HDAC4: variants seen among roughly 807,000 people sequenced by gnomAD.
HDAC4 encodes the protein histone deacetylase 4.
A neutral mutation model predicts 135.1 loss-of-function variants in HDAC4; 16 were observed. The observed-to-expected ratio is 0.12, with a 90% confidence interval of 0.08 to 0.18. The LOEUF is 0.18. Among genes scored for constraint, HDAC4 ranks in the 10% least tolerant of loss-of-function variants. HDAC4 has a pLI of 1.00. For missense variants in HDAC4, 1,143 were observed against 1,511.8 expected, an observed-to-expected ratio of 0.76 and a Z score of 4.05; for synonymous variants, 685 against 653.4, an observed-to-expected ratio of 1.05 and a Z score of -0.74.
intron 3 of HDAC4, among the ~76,000 whole-genome samples, chr2:239,199,070 A>G (rs1023358365): frequency 6.6e-6 from 1 of 151,494 alleles, no homozygotes; most frequent in Non-Finnish European, 1.5e-5. Flanking sequence ...TAGCTGATGT[A>G]TCTTTTAAGA....
At chr2:239,286,846 T>C (rs1195415744) in intron 2 of HDAC4, among the ~76,000 whole-genome samples, 2 of 152,176 alleles carry the variant, frequency 1.3e-5, no homozygotes, top group Non-Finnish European at 2.9e-5. Context: ...AAGTTTTGCC[T>C]AACAGTCACT....
chr2:239,288,536 T>C (rs1323914506), intron 2 of HDAC4, among the ~76,000 whole-genome samples: 3 of 152,140 alleles, frequency 2.0e-5, no homozygotes, highest in Non-Finnish European at 2.9e-5. Context: ...GTCTTTGTCT[T>C]AGAAACCCTG....
chr2:239,135,303 A>G (rs2040873133), intron 9 of HDAC4, among the ~76,000 whole-genome samples: 1 of 152,242 alleles, frequency 6.6e-6, no homozygotes, highest in South Asian at 2.1e-4. Context: ...AAAGGTGGGC[A>G]ATGATGACAA....
rs1234647616 is a variant in HDAC4, at chr2:239,299,690, A to AG, written c.22+52987dup. 6.6e-6 allele frequency among the ~76,000 whole-genome samples: 1 copy of AG among 152,240 alleles called. No homozygotes were observed. The highest frequency in any genetic ancestry group is 1.5e-5 in the Non-Finnish European group (1 of 68,052). ...GCGTCATGGGTAGAATCACGGAGCA[A>AG]GGTCCTGCCCACCTGCACTGGTGGC... On this transcript the variant is annotated intron_variant, in intron 2 of 26. Coordinates refer to ENST00000543185, the MANE Select transcript of HDAC4 (RefSeq NM_001378414.1). The surrounding 1 kb of genome is among the most constrained non-coding windows in gnomAD (Gnocchi z 4.0).
Position 239,309,623 on chromosome 2 carries a change from G to C in HDAC4, c.22+43055C>G, listed in dbSNP as rs919088792. Among the ~76,000 whole-genome samples the C allele has an allele frequency of 1.3e-5, 2 of 152,228 alleles. No individual in the cohort carries two copies. The highest frequency in any genetic ancestry group is 2.9e-5 in the Non-Finnish European group (2 of 68,044). Reference sequence around the variant, plus strand: ...GGCGTGCAGGAGCCCCTGCCAGTGAGGGCCAGCGAGGGGCCCAGGGAGAAG... The same window carrying C: ...GGCGTGCAGGAGCCCCTGCCAGTGACGGCCAGCGAGGGGCCCAGGGAGAAG... On this transcript the variant is annotated intron_variant, in intron 2 of 26. Coordinates refer to ENST00000543185, the MANE Select transcript of HDAC4 (RefSeq NM_001378414.1). This position sits in a 1 kb window ranked among gnomAD's most constrained non-coding sequence, Gnocchi z 4.2.
chr2:239,126,332 G>C, intron 12 of HDAC4, 124 bp downstream of exon 12: 2 of 1,516,528 alleles, frequency 1.3e-6, no homozygotes, highest in East Asian at 2.3e-5. Flanking sequence ...GTGCCTCCTC[G>C]GTTCCCTCTT....
chr2:239,234,659 A>G (rs1346762344), intron 3 of HDAC4, among the ~76,000 whole-genome samples: 2 of 152,250 alleles, frequency 1.3e-5, no homozygotes, highest in Non-Finnish European at 2.9e-5. Context: ...AAACTGAGCT[A>G]TTCAGCAACT....
At chr2:239,162,605 G>C (rs3791517) in intron 6 of HDAC4, among the ~76,000 whole-genome samples, 62,507 of 152,110 alleles carry the variant, frequency 0.41, 13,945 homozygotes, top group East Asian at 0.73. Flanking sequence ...GTCCCAGTGG[G>C]TCACTGCTGT....
chr2:239,234,735 G>GC (rs1453961092), intron 3 of HDAC4, among the ~76,000 whole-genome samples: 2 of 152,222 alleles, frequency 1.3e-5, no homozygotes, highest in Non-Finnish European at 2.9e-5. Context: ...GGAGGCTGAA[G>GC]CCCCGGCCTG....
At chr2:239,055,698 C>T (rs947842292) in intron 24 of HDAC4, among the ~76,000 whole-genome samples, 2 of 132,332 alleles carry the variant, frequency 1.5e-5, no homozygotes, top group Non-Finnish European at 3.1e-5. Flanking sequence ...GCCTGGGCAA[C>T]AGAGTGAGAC....
intron 12 of HDAC4, among the ~76,000 whole-genome samples, chr2:239,119,230 G>A (rs1204487546): frequency 6.6e-6 from 1 of 152,224 alleles, no homozygotes; most frequent in Non-Finnish European, 1.5e-5. Context: ...CGGAGGGAGA[G>A]CAAAGAACAA....
intron 2 of HDAC4, among the ~76,000 whole-genome samples, chr2:239,311,974 G>A (rs908320649): frequency 5.3e-5 from 8 of 152,260 alleles, no homozygotes; most frequent in African/African-American, 1.9e-4. Context: ...GTGGTTCCCT[G>A]GGGCCCTAGA....
rs1012470470 is a variant in HDAC4, at chr2:239,308,724, A to G, written c.22+43954T>C. On this transcript the variant is annotated intron_variant, in intron 2 of 26. Transcript: ENST00000543185. This position sits in a 1 kb window ranked among gnomAD's most constrained non-coding sequence, Gnocchi z 4.2. ...GGGTTCAGCCGCTGCAGAAACTCCG[A>G]ATCTGCTAACGTGAAGTGCCAAGAC... is the stretch of plus-strand genomic sequence containing the variant. Among the ~76,000 whole-genome samples, 31 of 152,100 alleles carry G rather than the reference A, an allele frequency of 2.0e-4. No individual in the cohort carries two copies. The highest frequency in any genetic ancestry group is 7.5e-4 in the African/African-American group (31 of 41,384).
chr2:239,145,865 G>C (rs2041723333), intron 7 of HDAC4, among the ~76,000 whole-genome samples: 1 of 152,206 alleles, frequency 6.6e-6, no homozygotes, highest in South Asian at 2.1e-4. Flanking sequence ...TTCACTCTTT[G>C]GGACGTGCAG....
At chr2:239,251,701 G>A (rs1008713556) in intron 2 of HDAC4, among the ~76,000 whole-genome samples, 3 of 152,032 alleles carry the variant, frequency 2.0e-5, no homozygotes, top group South Asian at 2.1e-4. Context: ...TCTAGAACAC[G>A]CTCTCCCACT....
At chr2:239,347,106 C>T (rs1326048244) in intron 2 of HDAC4, among the ~76,000 whole-genome samples, 1 of 152,244 alleles carries the variant, frequency 6.6e-6, no homozygotes, top group African/African-American at 2.4e-5. Context: ...CACACACATA[C>T]ACACAGACAC....
chr2:239,344,665 GC>G (rs1207466154), intron 2 of HDAC4, among the ~76,000 whole-genome samples: 1 of 152,052 alleles, frequency 6.6e-6, no homozygotes, highest in African/African-American at 2.4e-5. Context: ...AGCTGCAGAC[GC>G]CCCGTGCCGG....
In HDAC4 at chr2:239,139,276, C is replaced by A. The variant is rs1363519495; in HGVS notation, c.978+408G>T. 2.0e-5 allele frequency among the ~76,000 whole-genome samples: 3 copies of A among 152,218 alleles called. No homozygotes were observed. Among genetic ancestry groups the A allele is most frequent in the Non-Finnish European group, 2.9e-5 (2 of 68,044 alleles). ...TGTTAAGTCTCACTTAGCAACTATA[C>A]CCACGTGCCCACGGCCTCTCAGCCA... On this transcript the variant is annotated intron_variant, in intron 9 of 26. Transcript: ENST00000543185. This position sits in a 1 kb window ranked among gnomAD's most constrained non-coding sequence, Gnocchi z 5.3.
At chr2:239,127,739 C>T (rs927054020) in intron 11 of HDAC4, among the ~76,000 whole-genome samples, 20 of 152,248 alleles carry the variant, frequency 1.3e-4, no homozygotes, top group Admixed American at 1.1e-3. Flanking sequence ...CCTGCTGTTC[C>T]TGCTGCCAGG....
Sources: gnomAD v4.1 joint callset for allele counts (sites outside exome capture counted in the v4.1 genomes callset) on GRCh38, gnomAD v4.1.1 for gene constraint, Gnocchi (gnomAD v3.1) non-coding constraint, MANE v1.5 for transcripts, NCBI Gene and HGNC (gene_info 2026-07-23, HGNC 2026-07-21) for gene names.